Variants in SPG21 observed in about 807,000 individuals in gnomAD.
The protein encoded by SPG21 is SPG21 abhydrolase domain containing, maspardin.
In SPG21, 26 loss-of-function variants were observed where a neutral mutation model predicts 38.9. That is an observed-to-expected ratio of 0.67 (90% CI 0.49 to 0.93). SPG21 has a LOEUF of 0.93. SPG21 is among the 40% of genes least tolerant of loss of function. The pLI is 0.00. For missense variants in SPG21, 333 were observed against 376.5 expected (o/e 0.88, Z 0.96); for synonymous variants, 136 against 128.9 (o/e 1.05, Z -0.37).
intron 5 of SPG21, among the ~76,000 whole-genome samples, chr15:64,972,927 C>G (rs538863598): frequency 2.0e-5 from 3 of 152,150 alleles, no homozygotes; most frequent in African/African-American, 7.2e-5. Flanking sequence ...TTTCCCTATA[C>G]ATTATTTGAA....
chr15:64,979,942 T>C (rs2085852047), intron 3 of SPG21, among the ~76,000 whole-genome samples: 1 of 151,030 alleles, frequency 6.6e-6, no homozygotes, highest in Non-Finnish European at 1.5e-5. Flanking sequence ...AGTGGGAAAC[T>C]GGATTTAGAC....
chr15:64,980,187 C>G (rs930082901), intron 3 of SPG21, among the ~76,000 whole-genome samples: 5 of 152,120 alleles, frequency 3.3e-5, no homozygotes, highest in African/African-American at 4.8e-5. Flanking sequence ...AGACGGAGCT[C>G]AGTTCCTCCC....
At chr15:64,982,291 T>C (rs1181373554) in intron 2 of SPG21, among the ~76,000 whole-genome samples, 1 of 151,964 alleles carries the variant, frequency 6.6e-6, no homozygotes, top group Non-Finnish European at 1.5e-5. Flanking sequence ...ACTACAGGCG[T>C]GCACCAACAC....
At chr15:64,983,642 C>T in intron 1 of SPG21, 49 bp from the exon 2 acceptor site, 3 of 1,160,480 alleles carry the variant, frequency 2.6e-6, no homozygotes, top group Non-Finnish European at 3.8e-6. Flanking sequence ...ATGTTTACAT[C>T]AGAACTAAAT....
chr15:64,973,314 A>G (rs549212696), intron 5 of SPG21, among the ~76,000 whole-genome samples: 1 of 152,290 alleles, frequency 6.6e-6, no homozygotes, highest in East Asian at 1.9e-4. Context: ...CAGCAATGAA[A>G]GAAGTGCACA....
At chr15:64,982,142 C>CTTTTTTTTTTT (rs56118434) in intron 2 of SPG21, among the ~76,000 whole-genome samples, 441 of 114,426 alleles carry the variant, frequency 3.9e-3, no homozygotes, top group Non-Finnish European at 5.5e-3. Flanking sequence ...CTTTTCTTTT[C>CTTTTTTTTTTT]TTTTTTTTTT....
intron 5 of SPG21, among the ~76,000 whole-genome samples, chr15:64,971,572 G>T (rs2085664809): frequency 1.3e-5 from 2 of 151,000 alleles, no homozygotes; most frequent in South Asian, 4.2e-4. Context: ...AGGCGCAATG[G>T]CTCATGCCTG....
At chr15:64,970,607 C>T (rs560949120) in intron 5 of SPG21, among the ~76,000 whole-genome samples, 34 of 152,044 alleles carry the variant, frequency 2.2e-4, no homozygotes, top group Non-Finnish European at 4.6e-4. Context: ...ATGTTTTTAT[C>T]GATTGATATT....
chr15:64,981,164 G>T, intron 2 of SPG21, 139 bp from the exon 3 acceptor site: 1 of 957,370 alleles, frequency 1.0e-6, no homozygotes, highest in Non-Finnish European at 1.6e-6. Flanking sequence ...CACCAGATTA[G>T]CATGCATGAC....
In SPG21 at chr15:64,976,387, T is replaced by G. The variant is rs1447324150; in HGVS notation, c.306+88A>C. On this transcript the variant is annotated intron_variant, in intron 4 of 8. Transcript: ENST00000204566. ...TTGCGGTGAGCCGAGATCGCGCCACTGCACTCCAGCCTGGGTGACAGAGTG... is the reference window on the plus strand; with the variant it reads ...TTGCGGTGAGCCGAGATCGCGCCACGGCACTCCAGCCTGGGTGACAGAGTG... 7 of 925,250 alleles carry G rather than the reference T, an allele frequency of 7.6e-6. No individual in the cohort carries two copies. In the East Asian group the frequency reaches 1.5e-4, roughly 20 times the overall value. The allele number at this position is 925,250 out of a possible 1,614,324, so 57.3% of individuals were successfully genotyped here. A position where few individuals can be genotyped will look rare whatever the true frequency, so the allele number is the denominator to read the frequency against.
intron 3 of SPG21, among the ~76,000 whole-genome samples, chr15:64,978,634 TC>T (rs1270924785): frequency 1.3e-5 from 2 of 152,198 alleles, no homozygotes; most frequent in African/African-American, 2.4e-5. Flanking sequence ...GGATAAGACT[TC>T]CACCATTCCA....
At chr15:64,964,334 G>T (rs1388076817) in intron 8 of SPG21, among the ~76,000 whole-genome samples, 1 of 152,152 alleles carries the variant, frequency 6.6e-6, no homozygotes, top group Non-Finnish European at 1.5e-5. Flanking sequence ...CCCTTCTGCT[G>T]CTGTGAGTTA....
intron 7 of SPG21, among the ~76,000 whole-genome samples, chr15:64,967,718 G>A (rs562704337): frequency 1.3e-5 from 2 of 152,012 alleles, no homozygotes; most frequent in Non-Finnish European, 2.9e-5. Context: ...TGATCCACCC[G>A]CCTTGGCCTC....
At chr15:64,979,840 G>T (rs2085849743) in intron 3 of SPG21, among the ~76,000 whole-genome samples, 1 of 106,956 alleles carries the variant, frequency 9.3e-6, no homozygotes, top group African/African-American at 4.0e-5. Context: ...CAATGTGGAA[G>T]CATGCAAAAA....
chr15:64,965,753 G>A (rs980661616), intron 7 of SPG21, among the ~76,000 whole-genome samples: 1 of 151,362 alleles, frequency 6.6e-6, no homozygotes, highest in African/African-American at 2.4e-5. Context: ...TTGAGGTAGA[G>A]TGCAGTGGTG....
intron 7 of SPG21, among the ~76,000 whole-genome samples, chr15:64,967,551 G>A (rs1448110008): frequency 6.6e-6 from 1 of 151,082 alleles, no homozygotes; most frequent in African/African-American, 2.4e-5. Context: ...TCAGCTCACT[G>A]CAACCTCCAC....
chr15:64,965,523 G>GCTGTAATC, intron 7 of SPG21, 63 bp from the exon 8 acceptor site: 2 of 1,605,020 alleles, frequency 1.2e-6, no homozygotes, highest in Admixed American at 3.3e-5. Flanking sequence ...CATACAGAAA[G>GCTGTAATC]CTGTAATCAA....
At chr15:64,974,488 AG>A in intron 5 of SPG21, 113 bp downstream of exon 5, 1 of 1,295,378 alleles carries the variant, frequency 7.7e-7, no homozygotes, top group Non-Finnish European at 1.1e-6. Context: ...AAAAAAGCCA[AG>A]GAAGTTGCAG....
chr15:64,976,209 G>A (rs952063220), intron 4 of SPG21, among the ~76,000 whole-genome samples: 4 of 152,156 alleles, frequency 2.6e-5, no homozygotes, highest in African/African-American at 9.7e-5. Context: ...CGGATCACTT[G>A]AGGTCAGGAG....
Sources: allele counts gnomAD v4.1 joint callset (sites outside exome capture counted in the v4.1 genomes callset), GRCh38; gene constraint gnomAD v4.1.1; transcripts MANE v1.5; gene names NCBI Gene and HGNC (gene_info 2026-07-23, HGNC 2026-07-21).